The following ARAP2 variants were observed in gnomAD, a reference collection of about 807,000 sequenced individuals.
ARAP2 encodes ArfGAP with RhoGAP domain, ankyrin repeat and PH domain 2, also known as arf-GAP with Rho-GAP domain, ANK repeat and PH domain-containing protein 2.
In ARAP2, 148 loss-of-function variants were observed where a neutral mutation model predicts 194.5. The observed-to-expected ratio is 0.76, with a 90% CI of 0.67 to 0.87. The LOEUF (loss-of-function observed/expected upper bound fraction) is 0.87, where lower values mean the gene tolerates loss of function less well. Among genes scored for constraint, ARAP2 ranks in the 40% least tolerant of loss-of-function variants. ARAP2 has a pLI of 0.00. For missense variants in ARAP2, 2,128 were observed against 1,989.7 expected, an observed-to-expected ratio of 1.07 and a Z score of -1.32; for synonymous variants, 695 against 683.5, an observed-to-expected ratio of 1.02 and a Z score of -0.26.
intron 23 of ARAP2, among the ~76,000 whole-genome samples, chr4:36,120,352 T>C (rs1390227192): frequency 6.6e-6 from 1 of 151,624 alleles, no homozygotes; most frequent in Non-Finnish European, 1.5e-5. Context: ...TTTTGTTTTA[T>C]TAAAATAGCT....
intron 6 of ARAP2, among the ~76,000 whole-genome samples, chr4:36,201,785 C>T (rs1042558854): frequency 6.6e-6 from 1 of 151,906 alleles, no homozygotes; most frequent in African/African-American, 2.4e-5. Context: ...TTCCTAAGTG[C>T]CAGCAGAGTT....
At chr4:36,086,171 C>A (rs561753725) in intron 28 of ARAP2, among the ~76,000 whole-genome samples, 8 of 152,148 alleles carry the variant, frequency 5.3e-5, no homozygotes, top group Admixed American at 5.2e-4. Flanking sequence ...CAGTCCCAAC[C>A]GAGGCAGCAG....
Position 36,067,187 on chromosome 4 carries a change from C to A in ARAP2, c.*720G>T, listed in dbSNP as rs1577718021. ...ATCTGTAATGTGGCTGGTTTTCTAACACTATAAATATTAATAAGAGTGGCT... is the reference window on the plus strand; with the variant it reads ...ATCTGTAATGTGGCTGGTTTTCTAAAACTATAAATATTAATAAGAGTGGCT... On this transcript the variant is annotated 3_prime_UTR_variant, in exon 33 of 33. Transcript: ENST00000303965. 1 of 152,562 alleles carries A rather than the reference C, an allele frequency of 6.6e-6. No homozygotes were observed. The highest frequency in any genetic ancestry group is 1.9e-4 in the East Asian group (1 of 5,188). 9.5% of individuals were successfully genotyped at this position (152,562 alleles called of 1,614,324 possible).
At chr4:36,171,287 T>C (rs1036071015) in intron 9 of ARAP2, among the ~76,000 whole-genome samples, 18 of 152,058 alleles carry the variant, frequency 1.2e-4, no homozygotes, top group Non-Finnish European at 2.1e-4. Context: ...CCAACAACGA[T>C]AGACTGGATT....
intron 15 of ARAP2, among the ~76,000 whole-genome samples, chr4:36,156,510 G>GAGGAAGGAAGGA (rs56696370): frequency 1.2e-4 from 17 of 143,986 alleles, no homozygotes; most frequent in Admixed American, 6.9e-4. Context: ...AGGAAGGAGG[G>GAGGAAGGAAGGA]AGGAAGGAAG....
At chr4:36,125,104 G>C in intron 21 of ARAP2, 137 bp from the exon 22 acceptor site, 1 of 546,144 alleles carries the variant, frequency 1.8e-6, no homozygotes. Flanking sequence ...GTAGACAATC[G>C]TTCAAAGTTC....
At chr4:36,181,490 A>C (rs1739240471) in intron 8 of ARAP2, among the ~76,000 whole-genome samples, 1 of 152,148 alleles carries the variant, frequency 6.6e-6, no homozygotes, top group African/African-American at 2.4e-5. Context: ...ATAACAAGGG[A>C]TTGGTTATAC....
chr4:36,164,935 C>A lies in ARAP2; in HGVS notation c.2152G>T (p.Val718Phe). The A allele has an allele frequency of 6.2e-7, 1 of 1,614,064 alleles. No homozygotes were observed. Among genetic ancestry groups the A allele is most frequent in the South Asian group, 1.1e-5 (1 of 91,086 alleles). ...PDWASINLCV[V>F]ICKKCAGQHR... ...TTACCTGCACACTTCTTACAGATGA[C>A]AACACAGAGATTGATGGATGCCCAG... The change falls in exon 11 of 33, where the codon GTC becomes TTC. Residue 718 changes from valine (V) to phenylalanine (F), a missense_variant. Val to Phe is a conservative substitution (Grantham distance 50). Coordinates refer to ENST00000303965, the MANE Select transcript of ARAP2 (RefSeq NM_015230.4).
intron 19 of ARAP2, among the ~76,000 whole-genome samples, chr4:36,141,278 G>A (rs1194718359): frequency 1.3e-5 from 2 of 151,432 alleles, no homozygotes; most frequent in African/African-American, 2.4e-5. Context: ...TAAAAGAAAA[G>A]CACAGGATCT....
chr4:36,096,065 G>GA (rs1018504414), intron 27 of ARAP2, among the ~76,000 whole-genome samples: 3 of 151,060 alleles, frequency 2.0e-5, no homozygotes, highest in South Asian at 2.1e-4. Flanking sequence ...AAAAACTTTA[G>GA]AAAAAAAAAT....
chr4:36,146,782 T>G (rs1253732159), intron 19 of ARAP2, among the ~76,000 whole-genome samples: 1 of 152,070 alleles, frequency 6.6e-6, no homozygotes, highest in Non-Finnish European at 1.5e-5. Context: ...TCCCTAATAA[T>G]ATACATGTTT....
intron 27 of ARAP2, among the ~76,000 whole-genome samples, chr4:36,097,250 G>A (rs567908928): frequency 6.6e-6 from 1 of 152,070 alleles, no homozygotes; most frequent in South Asian, 2.1e-4. Flanking sequence ...CAGGATGAAA[G>A]TTTTGAAAGG....
Position 36,068,147 on chromosome 4 carries a change from AT to A in ARAP2, c.4874del (p.Asn1625IlefsTer30), listed in dbSNP as rs1725928548. On this transcript the variant is annotated frameshift_variant, in exon 33 of 33. Transcript: ENST00000303965. LOFTEE classifies it low-confidence loss of function (END_TRUNC). Reference protein sequence around the residue: ...CLEHKDDKLRNRPRKHRSFNC... With the variant: ...CLEHKDDKLRXRPRKHRSFNC... ...TGAAACTCCGATGTTTTCGGGGTCG[AT>A]TTCGAAGTTTATCGTCCTTGTGCTC... The A allele has an allele frequency of 1.2e-6, 2 of 1,613,770 alleles. No individual in the cohort carries two copies. The highest frequency in any genetic ancestry group is 1.7e-6 in the Non-Finnish European group (2 of 1,179,770).
intron 31 of ARAP2, among the ~76,000 whole-genome samples, chr4:36,077,397 T>C (rs1054821359): frequency 1.3e-5 from 2 of 152,068 alleles, no homozygotes; most frequent in Non-Finnish European, 2.9e-5. Context: ...CTTCCTGTTA[T>C]AGAGGAAGCT....
chr4:36,118,918 G>A (rs774570650), intron 24 of ARAP2, among the ~76,000 whole-genome samples: 1 of 151,356 alleles, frequency 6.6e-6, no homozygotes, highest in Non-Finnish European at 1.5e-5. Context: ...GGACTGAGGA[G>A]AATTTAATGT....
At chr4:36,230,249 C>G (rs1751177496) in intron 1 of ARAP2, among the ~76,000 whole-genome samples, 1 of 152,164 alleles carries the variant, frequency 6.6e-6, no homozygotes, top group African/African-American at 2.4e-5. Context: ...AAACAATATT[C>G]CCACAAAGGC....
At chr4:36,147,474 C>T in intron 18 of ARAP2, 74 bp downstream of exon 18, 1 of 1,571,466 alleles carries the variant, frequency 6.4e-7, no homozygotes, top group South Asian at 1.1e-5. Flanking sequence ...CCATCAAGAT[C>T]TTACTAAAGG....
chr4:36,030,155 A>G (rs960359646), intron 5 of ARAP2, among the ~76,000 whole-genome samples: 1 of 152,006 alleles, frequency 6.6e-6, no homozygotes, highest in Admixed American at 6.6e-5. Context: ...CTCTATAACC[A>G]TTATACTTGA....
At chr4:36,233,479 A>G (rs921842492) in intron 1 of ARAP2, among the ~76,000 whole-genome samples, 8 of 152,196 alleles carry the variant, frequency 5.3e-5, no homozygotes, top group African/African-American at 1.9e-4. Flanking sequence ...GGCTTCCCAA[A>G]CATGCTTTAT....
Sources: gnomAD v4.1 joint callset for allele counts (sites outside exome capture counted in the v4.1 genomes callset) on GRCh38, gnomAD v4.1.1 for gene constraint, MANE v1.5 for transcripts, NCBI Gene and HGNC (gene_info 2026-07-23, HGNC 2026-07-21) for gene names.